The following SLX4IP variants were observed in gnomAD, a reference collection of about 807,000 sequenced individuals.
SLX4IP encodes protein SLX4IP.
Under a neutral mutation model 32.9 loss-of-function variants are expected in SLX4IP, and 34 were observed. The observed-to-expected ratio is 1.03, with a 90% CI of 0.79 to 1.38. The LOEUF (loss-of-function observed/expected upper bound fraction) is 1.38. Among genes scored for constraint, SLX4IP ranks in the 40% most tolerant of loss-of-function variants. The pLI is 0.00. For synonymous variants in SLX4IP, 172 were observed against 171.7 expected, an observed-to-expected ratio of 1.00 and a Z score of -0.01; for missense variants, 444 against 479.0, an observed-to-expected ratio of 0.93 and a Z score of 0.68.
chr20:10,523,815 A>G (rs963844770), intron 2 of SLX4IP, among the ~76,000 whole-genome samples: 2 of 152,270 alleles, frequency 1.3e-5, no homozygotes, highest in African/African-American at 4.8e-5. Context: ...GAGTTGTCTC[A>G]CTATATAAAC....
chr20:10,570,060 T>C (rs145022170), intron 4 of SLX4IP, among the ~76,000 whole-genome samples: 1 of 152,312 alleles, frequency 6.6e-6, no homozygotes, highest in Non-Finnish European at 1.5e-5. Context: ...ACATAATCAA[T>C]TAACTGGTAA....
chr20:10,534,173 TGA>T (rs1600972906), intron 2 of SLX4IP, among the ~76,000 whole-genome samples: 2 of 151,996 alleles, frequency 1.3e-5, no homozygotes, highest in East Asian at 3.9e-4. Flanking sequence ...GCCAAGGTTA[TGA>T]GAGGATTTGT....
At chr20:10,588,006 G>A (rs1401618303) in intron 4 of SLX4IP, among the ~76,000 whole-genome samples, 1 of 151,902 alleles carries the variant, frequency 6.6e-6, no homozygotes, top group Non-Finnish European at 1.5e-5. Context: ...AAACTTCTGT[G>A]CAGCAAAGGA....
intron 2 of SLX4IP, among the ~76,000 whole-genome samples, chr20:10,503,837 C>T (rs1262508167): frequency 2.6e-5 from 4 of 152,098 alleles, no homozygotes; most frequent in African/African-American, 4.8e-5. Flanking sequence ...CAATCTTTGC[C>T]TCTGTCATTA....
intron 1 of SLX4IP, among the ~76,000 whole-genome samples, chr20:10,447,741 C>T (rs1464699384): frequency 6.6e-6 from 1 of 151,978 alleles, no homozygotes; most frequent in Non-Finnish European, 1.5e-5. Flanking sequence ...GTCTCTGTCA[C>T]CCAGGCTGGA....
At chr20:10,506,156 A>T (rs1222711523) in intron 2 of SLX4IP, among the ~76,000 whole-genome samples, 1 of 152,268 alleles carries the variant, frequency 6.6e-6, no homozygotes, top group Non-Finnish European at 1.5e-5. Context: ...CCTCATGGTA[A>T]CATATAAAAT....
intron 2 of SLX4IP, among the ~76,000 whole-genome samples, chr20:10,461,123 G>A (rs79036501): frequency 0.097 from 14,795 of 152,192 alleles, 797 homozygotes; most frequent in East Asian, 0.15. Flanking sequence ...AGAGGAGTGA[G>A]ATTAATTTTT....
At chr20:10,444,491 C>A (rs2122320506) in intron 1 of SLX4IP, among the ~76,000 whole-genome samples, 1 of 152,224 alleles carries the variant, frequency 6.6e-6, no homozygotes, top group Non-Finnish European at 1.5e-5. Context: ...GATTCTCCTG[C>A]CTCAGCCTCC....
In SLX4IP at chr20:10,622,853, G is replaced by A; in HGVS notation, c.701G>A (p.Gly234Glu). Residue 234 changes from glycine to glutamate, a missense_variant, in exon 8 of 8, where the codon GGG (glycine) becomes GAG (glutamate). Gly to Glu is a moderately conservative substitution (Grantham distance 98, BLOSUM62 -2). Transcript: ENST00000334534. The stretch of plus-strand genomic sequence containing the variant: ...ATAAAGGCAGCTGAGAGCCACTGGG[G>A]GCTTCCTGTTCAAAAGCTGGAAAAA... ...DSIKAAESHWGLPVQKLEKVN... is the reference protein window; with the variant it reads ...DSIKAAESHWELPVQKLEKVN... 6.2e-7 allele frequency: 1 copy of A among 1,614,080 alleles called. No individual in the cohort carries two copies. Among genetic ancestry groups the A allele is most frequent in the Non-Finnish European group, 8.5e-7 (1 of 1,180,018 alleles).
intron 2 of SLX4IP, among the ~76,000 whole-genome samples, chr20:10,555,915 C>T (rs967765957): frequency 1.3e-5 from 2 of 152,182 alleles, no homozygotes; most frequent in Admixed American, 6.5e-5. Context: ...TAACTTCTCT[C>T]GATGCTTCAC....
At chr20:10,526,636 C>CCT (rs1462401345) in intron 2 of SLX4IP, among the ~76,000 whole-genome samples, 3 of 151,724 alleles carry the variant, frequency 2.0e-5, no homozygotes, top group East Asian at 1.9e-4. Context: ...TATTCTCTCC[C>CCT]CTCTCTCTCT....
In SLX4IP at chr20:10,579,541, C is replaced by T. The variant is rs575027843; in HGVS notation, c.238+18721C>T. Among the ~76,000 whole-genome samples the T allele has an allele frequency of 3.9e-5, 6 of 152,236 alleles. No individual in the cohort carries two copies. In the South Asian group the frequency reaches 1.2e-3, roughly 32 times the overall value. On this transcript the variant is annotated intron_variant, in intron 4 of 7. Transcript: ENST00000334534. ...CTCCCAGGTTCAACCGATTCTCCAC[C>T]TCAGCCTCCTGAGTAGCTGGGATTA...
chr20:10,507,467 G>A (rs1004592787), intron 2 of SLX4IP, among the ~76,000 whole-genome samples: 1 of 152,036 alleles, frequency 6.6e-6, no homozygotes, highest in Non-Finnish European at 1.5e-5. Flanking sequence ...AATGAGTTGT[G>A]GAAGAGGAGA....
intron 2 of SLX4IP, among the ~76,000 whole-genome samples, chr20:10,541,491 T>C (rs749336325): frequency 6.6e-6 from 1 of 152,260 alleles, no homozygotes; most frequent in Non-Finnish European, 1.5e-5. Flanking sequence ...AGTTTATATG[T>C]AGCTGTTTAA....
chr20:10,573,027 G>C (rs537637919), intron 4 of SLX4IP, among the ~76,000 whole-genome samples: 2 of 152,144 alleles, frequency 1.3e-5, no homozygotes, highest in African/African-American at 4.8e-5. Context: ...TCTGAGAAAT[G>C]TTCCTCAACT....
chr20:10,442,130 A>C (rs1223825922), intron 1 of SLX4IP, among the ~76,000 whole-genome samples: 1 of 152,250 alleles, frequency 6.6e-6, no homozygotes, highest in South Asian at 2.1e-4. Flanking sequence ...TTAGAAACCT[A>C]AAGTTAATTT....
chr20:10,438,152 C>T (rs537983951), intron 1 of SLX4IP, among the ~76,000 whole-genome samples: 9 of 151,634 alleles, frequency 5.9e-5, no homozygotes, highest in East Asian at 1.9e-4. Context: ...TGTGACTTTT[C>T]GGGATATGAA....
chr20:10,511,212 A>G (rs941335188), intron 2 of SLX4IP, among the ~76,000 whole-genome samples: 8 of 152,224 alleles, frequency 5.3e-5, no homozygotes, highest in African/African-American at 1.9e-4. Context: ...TCTCTGGTGT[A>G]TCCTACATAT....
At chr20:10,527,553 A>G (rs2065950164) in intron 2 of SLX4IP, among the ~76,000 whole-genome samples, 1 of 152,236 alleles carries the variant, frequency 6.6e-6, no homozygotes, top group South Asian at 2.1e-4. Context: ...AGATGTTTTT[A>G]TAAGGTATAA....
Sources: gnomAD v4.1 joint callset for allele counts (sites outside exome capture counted in the v4.1 genomes callset) on GRCh38, gnomAD v4.1.1 for gene constraint, MANE v1.5 for transcripts, NCBI Gene and HGNC (gene_info 2026-07-23, HGNC 2026-07-21) for gene names.